Variants in CWC22 observed in about 807,000 individuals in gnomAD.
The protein encoded by CWC22 is CWC22 spliceosome associated protein.
A neutral mutation model predicts 117.2 loss-of-function variants in CWC22; 53 were observed. The ratio of observed to expected loss-of-function variants is 0.45; its 90% confidence interval spans 0.36 to 0.57. The LOEUF (loss-of-function observed/expected upper bound fraction) is 0.57. CWC22 is among the 20% of genes least tolerant of loss of function. The probability of loss-of-function intolerance (pLI) is 0.00; values close to 1 mark genes in which losing one functional copy is unlikely to be tolerated. For missense variants in CWC22, 980 were observed against 1,068.8 expected (o/e 0.92, Z 1.16); for synonymous variants, 360 against 355.6 (o/e 1.01, Z -0.14).
At chr2:179,948,925 T>C (rs1686376942) in intron 19 of CWC22, among the ~76,000 whole-genome samples, 3 of 152,242 alleles carry the variant, frequency 2.0e-5, no homozygotes, top group South Asian at 4.1e-4. Context: ...GTTTGATAAA[T>C]GAACCAGTGT....
intron 1 of CWC22, among the ~76,000 whole-genome samples, chr2:180,003,238 G>T (rs1260059135): frequency 6.6e-6 from 1 of 152,088 alleles, no homozygotes; most frequent in African/African-American, 2.4e-5. Context: ...TTAACCTGTG[G>T]AACAGCTTGA....
In CWC22 at chr2:179,955,026, G is replaced by C; in HGVS notation, c.1467C>G (p.Leu489=). The change falls in exon 15 of 20, where the codon CTC becomes CTG. Residue 489 remains leucine, a synonymous_variant. Coordinates refer to ENST00000410053, the MANE Select transcript of CWC22 (RefSeq NM_020943.3). ...MEFPESQTKE[L]CNMILDCCAQ... is the part of the protein sequence containing the mutation. ...CACAGCAATCAAGTATCATGTTGCAGAGTTCTTTCTATTTGGGAAAAAAAA... is the reference window on the plus strand; with the variant it reads ...CACAGCAATCAAGTATCATGTTGCACAGTTCTTTCTATTTGGGAAAAAAAA... The C allele has an allele frequency of 6.3e-7, 1 of 1,596,356 alleles. No individual in the cohort carries two copies. Among genetic ancestry groups the C allele is most frequent in the Non-Finnish European group, 8.5e-7 (1 of 1,170,088 alleles).
chr2:179,993,018 C>T (rs1025616534), intron 2 of CWC22, among the ~76,000 whole-genome samples: 11 of 152,008 alleles, frequency 7.2e-5, no homozygotes, highest in African/African-American at 1.2e-4. Flanking sequence ...CACACACACA[C>T]GCGCACACAC....
At position 179,946,762 on chromosome 2, in the gene CWC22, G is replaced by A. The variant is rs367908483; in HGVS notation, c.2141-1047C>T. Among the ~76,000 whole-genome samples the A allele has an allele frequency of 2.0e-4, 30 of 152,248 alleles. No individual in the cohort carries two copies. The East Asian group carries it at 3.5e-3, about 18-fold the overall frequency. Reference sequence around the variant, plus strand: ...TAGGAGGAGTAGAACAACTGGGTTTGCTTAACAGCATGAACATATATTTCT... The same window carrying A: ...TAGGAGGAGTAGAACAACTGGGTTTACTTAACAGCATGAACATATATTTCT... On this transcript the variant is annotated intron_variant, in intron 19 of 19. Transcript: ENST00000410053.
chr2:179,963,344 T>TTC (rs1686802893), intron 13 of CWC22, among the ~76,000 whole-genome samples: 2 of 131,356 alleles, frequency 1.5e-5, no homozygotes, highest in East Asian at 4.3e-4. Flanking sequence ...ACTTTTTTTT[T>TTC]TTTTTTTTTT....
At position 179,981,873 on chromosome 2, in the gene CWC22, C is replaced by T; in HGVS notation, c.331G>A (p.Asp111Asn). The change falls in exon 5 of 20, where the codon GAT (aspartate) becomes AAT (asparagine). Residue 111 changes from aspartate to asparagine, a missense_variant. Around this residue, in one of 3 missense-constraint regions of CWC22, gnomAD observed 559 missense variants for 602.3 expected, o/e 0.93. Transcript: ENST00000410053. ...TTCTTTTTCTTTGTAGCAGGTTCAT[C>T]CTGAGCAGAGGAACTCTGAGTTACT... is the stretch of plus-strand genomic sequence containing the variant. ...TSVTQSSSAQDEPATKKKKDE... is the reference protein window; with the variant it reads ...TSVTQSSSAQNEPATKKKKDE... 1 of 1,612,480 alleles carries T rather than the reference C, an allele frequency of 6.2e-7. No homozygotes were observed. Among genetic ancestry groups the T allele is most frequent in the Non-Finnish European group, 8.5e-7 (1 of 1,179,182 alleles).
chr2:179,982,773 A>G (rs1255144725), intron 4 of CWC22, among the ~76,000 whole-genome samples: 1 of 152,202 alleles, frequency 6.6e-6, no homozygotes, highest in African/African-American at 2.4e-5. Context: ...GAAACCATCA[A>G]GAACTAACGG....
chr2:179,976,133 TAAG>T (rs1313147511), intron 6 of CWC22, among the ~76,000 whole-genome samples: 2 of 152,160 alleles, frequency 1.3e-5, no homozygotes, highest in Non-Finnish European at 2.9e-5. Flanking sequence ...ACAAAGATGC[TAAG>T]AAGACACAAT....
At position 179,970,928 on chromosome 2, in the gene CWC22, A is replaced by G. The variant is rs1414986829; in HGVS notation, c.940+13T>C. 2 of 1,611,488 alleles carry G rather than the reference A, an allele frequency of 1.2e-6. No individual in the cohort carries two copies. The highest frequency in any genetic ancestry group is 1.7e-6 in the Non-Finnish European group (2 of 1,178,502). ...AATAAAAACTTAACATCAAACTATGAATGTACACTTACCATTGATTCCTCT... is the reference window on the plus strand; with the variant it reads ...AATAAAAACTTAACATCAAACTATGGATGTACACTTACCATTGATTCCTCT... On this transcript the variant is annotated intron_variant, in intron 9 of 19. Coordinates refer to ENST00000410053, the MANE Select transcript of CWC22 (RefSeq NM_020943.3).
At position 179,964,643 on chromosome 2, in the gene CWC22, A is replaced by AG. The variant is rs1311035363; in HGVS notation, c.1316-16_1316-15insC. 7.7e-7 allele frequency: 1 copy of AG among 1,303,722 alleles called. No individual in the cohort carries two copies. The highest frequency in any genetic ancestry group is 1.5e-5 in the African/African-American group (1 of 68,042). The allele number at this position is 1,303,722 out of a possible 1,614,324, so 80.8% of individuals were successfully genotyped here. A position where few individuals can be genotyped will look rare whatever the true frequency, so the allele number is the denominator to read the frequency against. On this transcript the variant is annotated splice_polypyrimidine_tract_variant and intron_variant, in intron 12 of 19. Transcript: ENST00000410053. ...TACTTTTTGTCCTGAAAGAAACATA[A>AG]CAAAATTACACAACTGCAAAAATAA...
intron 11 of CWC22, among the ~76,000 whole-genome samples, 160 bp downstream of exon 11, chr2:179,970,341 C>G (rs1236179804): frequency 6.6e-6 from 1 of 151,892 alleles, no homozygotes; most frequent in Admixed American, 6.6e-5. Context: ...GGGCAAGCAC[C>G]AGGAAAAAAA....
chr2:179,960,438 A>C (rs1051412657), intron 13 of CWC22, among the ~76,000 whole-genome samples: 5 of 152,172 alleles, frequency 3.3e-5, no homozygotes, highest in African/African-American at 1.2e-4. Flanking sequence ...AGGACAAAGA[A>C]ATAAAAGCTT....
chr2:179,959,682 C>T (rs1686696991), intron 13 of CWC22, among the ~76,000 whole-genome samples: 2 of 152,066 alleles, frequency 1.3e-5, no homozygotes. Context: ...TGTTACTGTA[C>T]TTCTGAATAC....
intron 8 of CWC22, among the ~76,000 whole-genome samples, chr2:179,971,675 C>G (rs1687037681): frequency 6.6e-6 from 1 of 152,120 alleles, no homozygotes; most frequent in Non-Finnish European, 1.5e-5. Context: ...CGTTCAAAAA[C>G]TGACATTTAT....
chr2:179,954,346 C>A lies in CWC22; in HGVS notation c.1548G>T (p.Met516Ile). ...AGGATTCCATGTACTCTTTCTTTAGCATGCAAAATCGCTAATAAATAAAAA... is the reference window on the plus strand; with the variant it reads ...AGGATTCCATGTACTCTTTCTTTAGAATGCAAAATCGCTAATAAATAAAAA... ...FFGLLAGRFC[M>I]LKKEYMESFE... The change falls in exon 16 of 20, where the codon ATG becomes ATT. Residue 516 changes from methionine (M) to isoleucine (I), a missense_variant. Coordinates refer to ENST00000410053, the MANE Select transcript of CWC22 (RefSeq NM_020943.3). 1 of 1,565,272 alleles carries A rather than the reference C, an allele frequency of 6.4e-7. No homozygotes were observed.
chr2:179,987,717 A>G (rs1224540241), intron 3 of CWC22, among the ~76,000 whole-genome samples: 1 of 152,202 alleles, frequency 6.6e-6, no homozygotes, highest in Non-Finnish European at 1.5e-5. Flanking sequence ...ATGGGCATAA[A>G]AAATTTTTTT....
intron 11 of CWC22, among the ~76,000 whole-genome samples, chr2:179,968,671 G>A (rs981271814): frequency 3.3e-5 from 5 of 151,660 alleles, no homozygotes; most frequent in Non-Finnish European, 5.9e-5. Context: ...CAGTTCAAGC[G>A]ATTCTCCTGC....
In CWC22 at chr2:179,954,350, CA is replaced by C; in HGVS notation, c.1543del (p.Cys515AlafsTer3). The C allele has an allele frequency of 6.4e-7, 1 of 1,556,200 alleles. No homozygotes were observed. The highest frequency in any genetic ancestry group is 8.8e-7 in the Non-Finnish European group (1 of 1,139,206). ...KFFGLLAGRFCMLKKEYMESF... is the reference protein window; with the variant it reads ...KFFGLLAGRFXMLKKEYMESF... ...TTCCATGTACTCTTTCTTTAGCATG[CA>C]AAATCGCTAATAAATAAAAAATCAG... On this transcript the variant is annotated frameshift_variant, in exon 16 of 20. Coordinates refer to ENST00000410053, the MANE Select transcript of CWC22 (RefSeq NM_020943.3). LOFTEE classifies it high-confidence loss of function.
intron 8 of CWC22, among the ~76,000 whole-genome samples, chr2:179,972,483 T>G (rs1365359237): frequency 2.0e-5 from 3 of 152,182 alleles, no homozygotes. Context: ...TGACTATACC[T>G]GTGTGGTTGC....
Sources: gnomAD v4.1 joint callset for allele counts (sites outside exome capture counted in the v4.1 genomes callset) on GRCh38, gnomAD v4.1.1 for gene constraint, gnomAD v4.1.1 regional missense constraint, MANE v1.5 for transcripts, NCBI Gene and HGNC (gene_info 2026-07-23, HGNC 2026-07-21) for gene names.